KALRN: variants seen among roughly 807,000 people sequenced by gnomAD.
KALRN encodes the protein kalirin RhoGEF kinase.
A neutral mutation model predicts 353.7 loss-of-function variants in KALRN; 70 were observed. That is an observed-to-expected ratio of 0.20 (90% CI 0.16 to 0.24). The LOEUF (loss-of-function observed/expected upper bound fraction) is 0.24. Among genes scored for constraint, KALRN ranks in the 10% least tolerant of loss-of-function variants. KALRN has a pLI of 1.00. For synonymous variants in KALRN, 1,391 were observed against 1,434.8 expected (o/e 0.97, Z 0.69); for missense variants, 2,791 against 3,756.7 (o/e 0.74, Z 6.72).
At chr3:124,521,888 C>T (rs892150376) in intron 33 of KALRN, among the ~76,000 whole-genome samples, 1 of 152,192 alleles carries the variant, frequency 6.6e-6, no homozygotes, top group Non-Finnish European at 1.5e-5. Flanking sequence ...CAAATATATA[C>T]TGAGTGCCTA....
intron 1 of KALRN, among the ~76,000 whole-genome samples, chr3:124,150,599 C>T (rs181117336): frequency 6.6e-6 from 1 of 152,238 alleles, no homozygotes; most frequent in African/African-American, 2.4e-5. Context: ...ATCCATTTTG[C>T]TGTCATTTAT....
In KALRN at chr3:124,454,391, C is replaced by T. The variant is rs191587518; in HGVS notation, c.3553-786C>T. Among the ~76,000 whole-genome samples, 273 of 152,342 alleles carry T rather than the reference C, an allele frequency of 1.8e-3. 2 individuals are homozygous for T. The highest frequency in any genetic ancestry group is 2.6e-3 in the Non-Finnish European group (178 of 68,034). ...ATCTGTGGTTCAAAGAGACCTGCATCACTTCCCTCCACCTACTTCCTAAGG... is the reference window on the plus strand; with the variant it reads ...ATCTGTGGTTCAAAGAGACCTGCATTACTTCCCTCCACCTACTTCCTAAGG... On this transcript the variant is annotated intron_variant, in intron 21 of 59. Transcript: ENST00000682506.
At position 124,650,796 on chromosome 3, in the gene KALRN, C is replaced by G; in HGVS notation, c.5665-12C>G. 6.2e-7 allele frequency: 1 copy of G among 1,607,140 alleles called. No homozygotes were observed. Among genetic ancestry groups the G allele is most frequent in the Non-Finnish European group, 8.5e-7 (1 of 1,176,568 alleles). On this transcript the variant is annotated splice_polypyrimidine_tract_variant and intron_variant, in intron 37 of 59. Coordinates refer to ENST00000682506, the MANE Select transcript of KALRN (RefSeq NM_001388419.1). ...AGTACACTTCTCTAAGCCTGTTTTTCTCTCTTTTCAGAGTCTAGAAGGAAG... is the reference window on the plus strand; with the variant it reads ...AGTACACTTCTCTAAGCCTGTTTTTGTCTCTTTTCAGAGTCTAGAAGGAAG...
chr3:124,670,414 T>C (rs1233049845), intron 47 of KALRN, among the ~76,000 whole-genome samples: 1 of 152,184 alleles, frequency 6.6e-6, no homozygotes, highest in Non-Finnish European at 1.5e-5. Context: ...CACTCCTCAG[T>C]GAGAGAGGCA....
chr3:124,085,713 T>C (rs1245116929), intron 1 of KALRN, among the ~76,000 whole-genome samples: 1 of 152,250 alleles, frequency 6.6e-6, no homozygotes, highest in African/African-American at 2.4e-5. Flanking sequence ...AGCTTCAATA[T>C]TTAAATGCTT....
At chr3:124,626,910 A>G (rs2080022695) in intron 34 of KALRN, among the ~76,000 whole-genome samples, 1 of 152,214 alleles carries the variant, frequency 6.6e-6, no homozygotes, top group South Asian at 2.1e-4. Context: ...CAGTTTCCTA[A>G]AACAGTCTCA....
intron 5 of KALRN, among the ~76,000 whole-genome samples, chr3:124,278,213 G>GT (rs2074973283): frequency 6.6e-6 from 1 of 150,994 alleles, no homozygotes; most frequent in South Asian, 2.1e-4. Context: ...TTGATACATC[G>GT]TAAGGAAAAG....
chr3:124,347,000 C>T (rs1398901714), intron 9 of KALRN, 143 bp from the exon 10 acceptor site: 10 of 1,169,728 alleles, frequency 8.5e-6, no homozygotes, highest in South Asian at 1.4e-5. Context: ...GGACTCACAG[C>T]AGATTGACCA....
chr3:124,247,084 C>T (rs1248997180), intron 3 of KALRN, among the ~76,000 whole-genome samples: 10 of 152,100 alleles, frequency 6.6e-5, no homozygotes, highest in Non-Finnish European at 1.5e-4. Flanking sequence ...AGTATGTTTT[C>T]AGGCATATAT....
chr3:124,181,076 CAAAAAAA>C lies in KALRN; in HGVS notation c.74-46895_74-46889del, dbSNP rs60579271. Among the ~76,000 whole-genome samples, 164 of 55,278 alleles carry C rather than the reference CAAAAAAA, an allele frequency of 3.0e-3. 1 individual carries two copies. The highest frequency in any genetic ancestry group is 0.015 in the Middle Eastern group (1 of 66). The allele number at this position is 55,278 out of a possible 152,430, so 36.3% of individuals were successfully genotyped here. A position where few individuals can be genotyped will look rare whatever the true frequency, so the allele number is the denominator to read the frequency against. On this transcript the variant is annotated intron_variant, in intron 1 of 59. Coordinates refer to ENST00000682506, the MANE Select transcript of KALRN (RefSeq NM_001388419.1). ...CAAAACCCCATCTCTACTAAAAATA[CAAAAAAA>C]AAAAAAAAAAAAAAAAAATTAGCCA...
chr3:124,439,200 T>TCTCA (rs1553969726), intron 18 of KALRN, among the ~76,000 whole-genome samples, 163 bp downstream of exon 18: 44 of 98,968 alleles, frequency 4.4e-4, no homozygotes, highest in African/African-American at 1.1e-3. Context: ...TCTCTCTCTC[T>TCTCA]CACACACACA....
chr3:124,474,610 T>C, intron 25 of KALRN, 53 bp from the exon 26 acceptor site: 1 of 1,437,396 alleles, frequency 7.0e-7, no homozygotes, highest in Non-Finnish European at 9.8e-7. Context: ...TGCAATCCTC[T>C]GGGGGGTCAG....
At chr3:124,717,110 C>A in intron 58 of KALRN, 137 bp from the exon 59 acceptor site, 1 of 647,454 alleles carries the variant, frequency 1.5e-6, no homozygotes, top group Non-Finnish European at 2.5e-6. Flanking sequence ...ACTAAATATG[C>A]ATGTGTTGCA....
intron 1 of KALRN, among the ~76,000 whole-genome samples, chr3:124,221,623 T>C (rs1050482656): frequency 5.3e-5 from 8 of 152,158 alleles, no homozygotes; most frequent in Non-Finnish European, 7.3e-5. Flanking sequence ...CAGAACCAAG[T>C]AGCCAAATCA....
At chr3:124,585,617 G>A (rs1210128307) in intron 34 of KALRN, among the ~76,000 whole-genome samples, 1 of 152,140 alleles carries the variant, frequency 6.6e-6, no homozygotes. Context: ...ATCACAGAGG[G>A]AGGGTTCTCA....
At chr3:124,073,191 G>A (rs1199605923) in intron 1 of KALRN, among the ~76,000 whole-genome samples, 2 of 152,136 alleles carry the variant, frequency 1.3e-5, no homozygotes, top group Non-Finnish European at 2.9e-5. Context: ...TGGTTAATAC[G>A]AATCTTCACC....
chr3:124,400,202 T>C (rs2090687331), intron 13 of KALRN, among the ~76,000 whole-genome samples: 1 of 152,116 alleles, frequency 6.6e-6, no homozygotes, highest in African/African-American at 2.4e-5. Flanking sequence ...AGAGACTATC[T>C]TGGGAACAGC....
chr3:124,095,028 T>A, intron 1 of KALRN: 1 of 925,060 alleles, frequency 1.1e-6, no homozygotes, highest in Non-Finnish European at 1.7e-6. Context: ...AGAGAAGGAA[T>A]GAAACAGAGG....
chr3:124,079,716 T>C (rs1474193150), intron 1 of KALRN, among the ~76,000 whole-genome samples: 2 of 152,240 alleles, frequency 1.3e-5, no homozygotes, highest in Non-Finnish European at 2.9e-5. Flanking sequence ...GTTGAATGCC[T>C]CCAATGACAG....
Sources: gnomAD v4.1 joint callset for allele counts (sites outside exome capture counted in the v4.1 genomes callset) on GRCh38, gnomAD v4.1.1 for gene constraint, MANE v1.5 for transcripts, NCBI Gene and HGNC (gene_info 2026-07-23, HGNC 2026-07-21) for gene names.